ZFPM2: variants seen among roughly 807,000 people sequenced by gnomAD.
The protein encoded by ZFPM2 is zinc finger protein, FOG family member 2.
In ZFPM2, 20 loss-of-function variants were observed where a neutral mutation model predicts 98.6. That is an observed-to-expected ratio of 0.20 (90% CI 0.14 to 0.29). ZFPM2 has a LOEUF of 0.29. Among genes scored for constraint, ZFPM2 ranks in the 10% least tolerant of loss-of-function variants. The pLI is 1.00. For missense variants in ZFPM2, 1,310 were observed against 1,388.6 expected (o/e 0.94, Z 0.90); for synonymous variants, 518 against 502.7 (o/e 1.03, Z -0.41).
intron 3 of ZFPM2, among the ~76,000 whole-genome samples, chr8:105,547,583 G>T (rs1467571292): frequency 3.5e-5 from 5 of 142,722 alleles, no homozygotes; most frequent in South Asian, 2.4e-4. Context: ...ATCAGAGTGT[G>T]TTTAAAGAAA....
intron 3 of ZFPM2, among the ~76,000 whole-genome samples, chr8:105,455,179 A>G (rs1487098307): frequency 1.3e-5 from 2 of 152,212 alleles, no homozygotes; most frequent in Non-Finnish European, 2.9e-5. Flanking sequence ...TTAAAAATCT[A>G]AAATCCAAAA....
intron 3 of ZFPM2, among the ~76,000 whole-genome samples, chr8:105,460,540 T>C (rs543862957): frequency 1.4e-4 from 21 of 152,076 alleles, no homozygotes; most frequent in Non-Finnish European, 2.6e-4. Context: ...TGGCATCATA[T>C]GGAGGGTGAA....
intron 3 of ZFPM2, among the ~76,000 whole-genome samples, chr8:105,470,086 A>G (rs1812873721): frequency 6.6e-6 from 1 of 152,198 alleles, no homozygotes; most frequent in African/African-American, 2.4e-5. Flanking sequence ...GACTATTTTC[A>G]AAAAACAATA....
chr8:105,578,797 C>A (rs947199119), intron 4 of ZFPM2, among the ~76,000 whole-genome samples: 1 of 152,076 alleles, frequency 6.6e-6, no homozygotes, highest in Non-Finnish European at 1.5e-5. Flanking sequence ...CTTTATAATG[C>A]TTTTAGAATA....
At chr8:105,744,085 C>A (rs759020943) in intron 5 of ZFPM2, among the ~76,000 whole-genome samples, 1 of 152,052 alleles carries the variant, frequency 6.6e-6, no homozygotes, top group Non-Finnish European at 1.5e-5. Flanking sequence ...ATGTTGTAGA[C>A]ATGCAAATAG....
chr8:105,386,837 G>T (rs1162911339), intron 1 of ZFPM2, among the ~76,000 whole-genome samples: 1 of 152,076 alleles, frequency 6.6e-6, no homozygotes, highest in Non-Finnish European at 1.5e-5. Context: ...TAGAACAAGG[G>T]GAAGGTGGAG....
intron 5 of ZFPM2, among the ~76,000 whole-genome samples, chr8:105,709,708 T>C (rs2130973104): frequency 6.6e-6 from 1 of 152,252 alleles, no homozygotes; most frequent in South Asian, 2.1e-4. Context: ...TTTAATAGAA[T>C]TAAGTAAATA....
chr8:105,405,287 A>T (rs574471478), intron 1 of ZFPM2, among the ~76,000 whole-genome samples: 12 of 151,646 alleles, frequency 7.9e-5, no homozygotes, highest in Admixed American at 3.3e-4. Context: ...TTTTAATTTT[A>T]TTATTATTAT....
intron 6 of ZFPM2, among the ~76,000 whole-genome samples, chr8:105,790,952 C>G (rs565189696): frequency 0.072 from 10,953 of 152,234 alleles, 1,360 homozygotes; most frequent in African/African-American, 0.25. Flanking sequence ...TGTCCTGAGA[C>G]TTTGCTGAAG....
chr8:105,590,386 G>A (rs750022134), intron 4 of ZFPM2, among the ~76,000 whole-genome samples: 8 of 152,144 alleles, frequency 5.3e-5, no homozygotes, highest in East Asian at 1.9e-4. Context: ...AAATACTTCA[G>A]TGTCATATAG....
chr8:105,479,707 A>G (rs892223392), intron 3 of ZFPM2, among the ~76,000 whole-genome samples: 2 of 152,198 alleles, frequency 1.3e-5, no homozygotes, highest in Non-Finnish European at 2.9e-5. Flanking sequence ...AAGAATGTTT[A>G]TTATTTCAGG....
chr8:105,410,293 A>G (rs1367071434), intron 1 of ZFPM2, among the ~76,000 whole-genome samples: 1 of 151,900 alleles, frequency 6.6e-6, no homozygotes, highest in African/African-American at 2.4e-5. Context: ...ATTGTTACAC[A>G]TGAAACAAAG....
At chr8:105,388,104 G>A (rs1811037715) in intron 1 of ZFPM2, among the ~76,000 whole-genome samples, 1 of 152,154 alleles carries the variant, frequency 6.6e-6, no homozygotes, top group Non-Finnish European at 1.5e-5. Flanking sequence ...TATGATATGT[G>A]ATGAATACTC....
chr8:105,357,021 C>A (rs144063243), intron 1 of ZFPM2, among the ~76,000 whole-genome samples: 1 of 152,138 alleles, frequency 6.6e-6, no homozygotes, highest in African/African-American at 2.4e-5. Flanking sequence ...TAGGACTTCC[C>A]ATAATTTGCA....
chr8:105,387,951 A>T (rs1045464792), intron 1 of ZFPM2: 13 of 152,232 alleles, frequency 8.5e-5, no homozygotes, highest in African/African-American at 2.7e-4. Context: ...TCTTTCAATA[A>T]TTTTTTCTGA....
chr8:105,469,753 A>C (rs1312797253), intron 3 of ZFPM2, among the ~76,000 whole-genome samples: 1 of 152,236 alleles, frequency 6.6e-6, no homozygotes, highest in African/African-American at 2.4e-5. Context: ...TAACTCATTT[A>C]GTCTCATAGA....
chr8:105,777,796 G>T (rs1813138205), intron 5 of ZFPM2, among the ~76,000 whole-genome samples: 1 of 152,090 alleles, frequency 6.6e-6, no homozygotes, highest in African/African-American at 2.4e-5. Context: ...TAAACAAGTG[G>T]ATAGATCTAT....
At chr8:105,508,502 A>T (rs748053556) in intron 3 of ZFPM2, among the ~76,000 whole-genome samples, 6 of 152,184 alleles carry the variant, frequency 3.9e-5, no homozygotes, top group Non-Finnish European at 8.8e-5. Flanking sequence ...TACTTTAATA[A>T]GAGACCTTAA....
At chr8:105,600,359 T>C (rs779880735) in intron 4 of ZFPM2, among the ~76,000 whole-genome samples, 13 of 152,138 alleles carry the variant, frequency 8.5e-5, no homozygotes, top group Non-Finnish European at 2.9e-5. Context: ...GTCAAGTTTA[T>C]AAACCAAGAG....
Sources: allele counts gnomAD v4.1 joint callset (sites outside exome capture counted in the v4.1 genomes callset), GRCh38; gene constraint gnomAD v4.1.1; transcripts MANE v1.5; gene names NCBI Gene and HGNC (gene_info 2026-07-23, HGNC 2026-07-21).